MECOM: variants seen among roughly 807,000 people sequenced by gnomAD.
MECOM encodes the protein histone-lysine N-methyltransferase MECOM.
Under a neutral mutation model 116.3 loss-of-function variants are expected in MECOM, and 13 were observed. The observed-to-expected ratio is 0.11, with a 90% CI of 0.07 to 0.18. The LOEUF (loss-of-function observed/expected upper bound fraction) is 0.18, where lower values mean the gene tolerates loss of function less well. Ranked by LOEUF, MECOM falls within the 10% of genes least tolerant of loss-of-function variation. The pLI is 1.00. For missense variants in MECOM, 1,299 were observed against 1,509.0 expected (o/e 0.86, Z 2.31); for synonymous variants, 528 against 535.2 (o/e 0.99, Z 0.19).
chr3:169,458,463 G>A (rs576871041), intron 1 of MECOM, among the ~76,000 whole-genome samples: 14 of 152,294 alleles, frequency 9.2e-5, no homozygotes, highest in African/African-American at 3.4e-4. Flanking sequence ...GGCCACTTGA[G>A]CAACAACTCT....
chr3:169,503,404 A>C (rs1754790334), intron 1 of MECOM, among the ~76,000 whole-genome samples: 1 of 152,226 alleles, frequency 6.6e-6, no homozygotes, highest in Non-Finnish European at 1.5e-5. Flanking sequence ...TTGGAAAATC[A>C]CAGGACATAT....
chr3:169,355,328 C>T (rs557542358), intron 2 of MECOM, among the ~76,000 whole-genome samples: 2 of 152,050 alleles, frequency 1.3e-5, no homozygotes, highest in Admixed American at 6.6e-5. Flanking sequence ...ATGTTAATGT[C>T]CTTGGTGACA....
chr3:169,389,656 G>A, intron 1 of MECOM: 1 of 905,486 alleles, frequency 1.1e-6, no homozygotes, highest in Non-Finnish European at 1.3e-6. Context: ...CTGAATTCAT[G>A]CTGCAGCAGA....
intron 2 of MECOM, among the ~76,000 whole-genome samples, chr3:169,168,809 G>T (rs1399275810): frequency 6.6e-6 from 1 of 151,436 alleles, no homozygotes; most frequent in Non-Finnish European, 1.5e-5. Context: ...ATGCAAATTT[G>T]TATACAAAAG....
chr3:169,317,806 G>T (rs140411294), intron 2 of MECOM, among the ~76,000 whole-genome samples: 1 of 152,130 alleles, frequency 6.6e-6, no homozygotes, highest in Non-Finnish European at 1.5e-5. Flanking sequence ...AAAAGAGCCC[G>T]TATAGCCAAG....
intron 1 of MECOM, among the ~76,000 whole-genome samples, chr3:169,587,803 C>T (rs1322568967): frequency 1.3e-5 from 2 of 152,016 alleles, no homozygotes; most frequent in African/African-American, 4.8e-5. Context: ...GTTGCGTCTC[C>T]ATGTCTTTTA....
At chr3:169,485,894 G>GTATATATGTA (rs1292916980) in intron 1 of MECOM, among the ~76,000 whole-genome samples, 5 of 94,252 alleles carry the variant, frequency 5.3e-5, no homozygotes, top group African/African-American at 2.2e-4. Flanking sequence ...TGTATATATA[G>GTATATATGTA]TATATATAGT....
At chr3:169,618,555 C>T (rs1030332043) in intron 1 of MECOM, among the ~76,000 whole-genome samples, 3 of 151,860 alleles carry the variant, frequency 2.0e-5, no homozygotes, top group Non-Finnish European at 2.9e-5. Flanking sequence ...TACTCAGGAG[C>T]CTGAGGCAGA....
At chr3:169,431,583 C>T (rs1191287369) in intron 1 of MECOM, among the ~76,000 whole-genome samples, 3 of 152,272 alleles carry the variant, frequency 2.0e-5, no homozygotes, top group East Asian at 3.9e-4. Context: ...CTTTGTAATT[C>T]CCTGATGGAT....
intron 2 of MECOM, among the ~76,000 whole-genome samples, chr3:169,156,357 T>A (rs1741985726): frequency 6.6e-6 from 1 of 152,174 alleles, no homozygotes; most frequent in Non-Finnish European, 1.5e-5. Flanking sequence ...AGGAAAACAA[T>A]TTTGTAAATA....
At chr3:169,641,357 G>A (rs555580112) in intron 1 of MECOM, among the ~76,000 whole-genome samples, 1 of 152,300 alleles carries the variant, frequency 6.6e-6, no homozygotes, top group East Asian at 1.9e-4. Flanking sequence ...ACACATCTGG[G>A]TAGGTCAGCG....
chr3:169,382,803 G>C (rs999719117), intron 1 of MECOM, among the ~76,000 whole-genome samples: 3 of 139,640 alleles, frequency 2.1e-5, no homozygotes, highest in Non-Finnish European at 3.0e-5. Flanking sequence ...AGCTATGATT[G>C]TGTCACTGCT....
intron 2 of MECOM, among the ~76,000 whole-genome samples, chr3:169,205,038 A>G (rs1220840213): frequency 3.3e-5 from 5 of 152,182 alleles, no homozygotes; most frequent in Non-Finnish European, 7.3e-5. Context: ...CCTGGATGCT[A>G]TGGGTTTAAA....
intron 1 of MECOM, among the ~76,000 whole-genome samples, chr3:169,477,779 G>A (rs1218476999): frequency 6.6e-6 from 1 of 152,120 alleles, no homozygotes; most frequent in East Asian, 1.9e-4. Context: ...ATTAATGTGA[G>A]AGCTTGTTTT....
In MECOM at chr3:169,292,314, CAG is replaced by C. The variant is rs1714727455; in HGVS notation, c.375+88871_375+88872del. ...CACAACCACACCCCAGCCTGGGTGA[CAG>C]AGTGAGATGCCATCTCAAAATAAAA... On this transcript the variant is annotated intron_variant, in intron 2 of 16. Transcript: ENST00000651503. Among the ~76,000 whole-genome samples the C allele has an allele frequency of 3.9e-5, 6 of 152,190 alleles. No homozygotes were observed. In the South Asian group the frequency reaches 1.3e-3, roughly 32 times the overall value.
intron 1 of MECOM, among the ~76,000 whole-genome samples, chr3:169,537,718 T>C (rs113765736): frequency 7.0e-6 from 1 of 142,626 alleles, no homozygotes; most frequent in Non-Finnish European, 1.6e-5. Flanking sequence ...GCAGAACATT[T>C]AAAAAAAAAA....
At chr3:169,459,940 C>A (rs922980725) in intron 1 of MECOM, among the ~76,000 whole-genome samples, 9 of 152,150 alleles carry the variant, frequency 5.9e-5, no homozygotes, top group Admixed American at 2.6e-4. Flanking sequence ...TAAAGTTAAT[C>A]TTCTTAACTC....
chr3:169,172,189 A>G (rs1465978082), intron 2 of MECOM, among the ~76,000 whole-genome samples: 10 of 152,146 alleles, frequency 6.6e-5, no homozygotes. Flanking sequence ...ATTCATGTGT[A>G]AGAACTGGAT....
chr3:169,473,426 T>A (rs1749862113), intron 1 of MECOM, among the ~76,000 whole-genome samples: 1 of 152,168 alleles, frequency 6.6e-6, no homozygotes, highest in Non-Finnish European at 1.5e-5. Flanking sequence ...CATTAAGAAG[T>A]CACTACTTTC....
Sources: gnomAD v4.1 joint callset for allele counts (sites outside exome capture counted in the v4.1 genomes callset) on GRCh38, gnomAD v4.1.1 for gene constraint, MANE v1.5 for transcripts, NCBI Gene and HGNC (gene_info 2026-07-23, HGNC 2026-07-21) for gene names.